LAMB4: variants seen among roughly 807,000 people sequenced by gnomAD.
The protein encoded by LAMB4 is laminin subunit beta 4, also known as laminin subunit beta-4.
LAMB4 carries 196 observed loss-of-function variants against 199.2 expected under a neutral mutation model. That is an observed-to-expected ratio of 0.98 (90% CI 0.88 to 1.11). The LOEUF (loss-of-function observed/expected upper bound fraction) is 1.11, where lower values mean the gene tolerates loss of function less well. Ranked by LOEUF, LAMB4 falls within the 50% of genes least tolerant of loss-of-function variation. The pLI is 0.00. For synonymous variants in LAMB4, 744 were observed against 770.6 expected (o/e 0.97, Z 0.57); for missense variants, 2,080 against 2,171.2 (o/e 0.96, Z 0.83).
intron 14 of LAMB4, among the ~76,000 whole-genome samples, chr7:108,091,349 C>T (rs1318990614): frequency 6.6e-6 from 1 of 152,120 alleles, no homozygotes; most frequent in African/African-American, 2.4e-5. Flanking sequence ...TACCTTGAAA[C>T]AGCAAAAGTA....
At chr7:108,128,914 G>A (rs1296531180) in intron 1 of LAMB4, among the ~76,000 whole-genome samples, 1 of 152,206 alleles carries the variant, frequency 6.6e-6, no homozygotes, top group Non-Finnish European at 1.5e-5. Context: ...CTTTGGATGA[G>A]ATATGTATAA....
intron 23 of LAMB4, among the ~76,000 whole-genome samples, chr7:108,062,088 CA>C (rs1314295648): frequency 6.6e-6 from 1 of 152,072 alleles, no homozygotes; most frequent in African/African-American, 2.4e-5. Flanking sequence ...AGCCAAAAGA[CA>C]AAAACAAAAC....
At position 108,034,237 on chromosome 7, in the gene LAMB4, T is replaced by C. The variant is rs1185116154; in HGVS notation, c.4789A>G (p.Ile1597Val). The C allele has an allele frequency of 6.2e-7, 1 of 1,614,102 alleles. No homozygotes were observed. The highest frequency in any genetic ancestry group is 1.7e-5 in the Admixed American group (1 of 60,018). ...NSTITQLTAN[I>V]TKIKKNVLQA... Reference sequence around the variant, plus strand: ...AGCACATTCTTTTTTATTTTTGTTATATTGGCAGTCAGCTGTGTAATGGTA... The same window carrying C: ...AGCACATTCTTTTTTATTTTTGTTACATTGGCAGTCAGCTGTGTAATGGTA... The change falls in exon 31 of 34, where the codon ATA (isoleucine) becomes GTA (valine). Residue 1597 changes from isoleucine (I) to valine (V), a missense_variant. Transcript: ENST00000388781.
intron 17 of LAMB4, among the ~76,000 whole-genome samples, chr7:108,075,108 G>T (rs1443282765): frequency 6.6e-6 from 1 of 152,058 alleles, no homozygotes; most frequent in Non-Finnish European, 1.5e-5. Flanking sequence ...AAACCTATCA[G>T]ATTTGATTTT....
intron 23 of LAMB4, among the ~76,000 whole-genome samples, chr7:108,060,993 T>G (rs1158732992): frequency 6.6e-6 from 1 of 152,228 alleles, no homozygotes; most frequent in Admixed American, 6.5e-5. Flanking sequence ...TGACCAAGAC[T>G]GACATTAACA....
intron 6 of LAMB4, among the ~76,000 whole-genome samples, chr7:108,107,030 T>G (rs2038044426): frequency 6.6e-6 from 1 of 152,216 alleles, no homozygotes; most frequent in Admixed American, 6.5e-5. Flanking sequence ...CGGCTCTTTA[T>G]GTACAAGTGG....
chr7:108,129,441 C>CT (rs1017010023), intron 1 of LAMB4, among the ~76,000 whole-genome samples: 8 of 151,912 alleles, frequency 5.3e-5, no homozygotes, highest in African/African-American at 1.9e-4. Context: ...CTTTGTCTAA[C>CT]TTTTTTTCAT....
chr7:108,081,309 G>A (rs2036929772), intron 14 of LAMB4, among the ~76,000 whole-genome samples: 1 of 152,038 alleles, frequency 6.6e-6, no homozygotes, highest in Non-Finnish European at 1.5e-5. Flanking sequence ...ACAGCCTCTG[G>A]GAGCTCACAG....
chr7:108,126,101 A>C (rs905311706), intron 1 of LAMB4, among the ~76,000 whole-genome samples: 1 of 152,222 alleles, frequency 6.6e-6, no homozygotes, highest in Non-Finnish European at 1.5e-5. Context: ...AAATGACAGA[A>C]TCACACAGCT....
At chr7:108,012,420 C>G in the LAMB4 span, among the ~76,000 whole-genome samples, 1 of 152,126 alleles carries the variant, frequency 6.6e-6, no homozygotes, top group South Asian at 2.1e-4. Flanking sequence ...TTGTCTATAA[C>G]TGGTAATAAT....
At chr7:108,013,761 T>C in the LAMB4 span, among the ~76,000 whole-genome samples, 2 of 152,136 alleles carry the variant, frequency 1.3e-5, no homozygotes, top group African/African-American at 4.8e-5. Context: ...CAGAAAGATG[T>C]TTACAATGTT....
chr7:108,063,625 C>T (rs993347400), intron 22 of LAMB4, 136 bp downstream of exon 22: 7 of 762,518 alleles, frequency 9.2e-6, no homozygotes, highest in Admixed American at 1.8e-5. Context: ...TTCCGTACAA[C>T]AGCCCTGTCA....
At chr7:108,045,696 T>C (rs1217612101) in intron 28 of LAMB4, among the ~76,000 whole-genome samples, 1 of 152,216 alleles carries the variant, frequency 6.6e-6, no homozygotes, top group Non-Finnish European at 1.5e-5. Flanking sequence ...TTTTAAGCAC[T>C]GGGACATAAG....
intron 1 of LAMB4, among the ~76,000 whole-genome samples, chr7:108,125,568 T>C (rs148645251): frequency 1.1e-4 from 16 of 152,304 alleles, no homozygotes; most frequent in Admixed American, 4.6e-4. Flanking sequence ...AAGTGCTACA[T>C]AGGATATATC....
intron 32 of LAMB4, among the ~76,000 whole-genome samples, chr7:108,029,877 T>C (rs990575729): frequency 6.6e-6 from 1 of 152,054 alleles, no homozygotes; most frequent in South Asian, 2.1e-4. Flanking sequence ...CCCAGCACTT[T>C]AGGAGGCCGA....
downstream of LAMB4, among the ~76,000 whole-genome samples, chr7:108,019,206 C>A (rs1021191845): frequency 2.0e-5 from 3 of 152,178 alleles, no homozygotes; most frequent in Non-Finnish European, 4.4e-5. Context: ...TTCCAGGAGG[C>A]TCTAAGGAAG....
Position 108,103,069 on chromosome 7 carries a change from G to A in LAMB4, c.1155C>T (p.Thr385=), listed in dbSNP as rs752234256. 12 of 1,604,814 alleles carry A rather than the reference G, an allele frequency of 7.5e-6. No homozygotes were observed. In the South Asian group the frequency reaches 1.3e-4, roughly 18 times the overall value. The change falls in exon 10 of 34, where the codon ACC becomes ACT. Residue 385 remains threonine (T), a synonymous_variant. Coordinates refer to ENST00000388781, the MANE Select transcript of LAMB4 (RefSeq NM_007356.3). ...GAATGCACGCGTAGGGATCTGAGAT[G>A]GTCTTGAGCGGGTCCCTGTAGAAGA... The part of the protein sequence containing the change: ...RPLFYRDPLK[T]ISDPYACIPC...
At chr7:108,091,373 C>T (rs984625047) in intron 14 of LAMB4, among the ~76,000 whole-genome samples, 6 of 152,136 alleles carry the variant, frequency 3.9e-5, no homozygotes, top group African/African-American at 1.4e-4. Context: ...TCTGTTTCAT[C>T]ATAATTTGAT....
rs545748615 is a variant in LAMB4, at chr7:108,111,845, T to A, written c.294A>T (p.Pro98=). 1 of 1,612,652 alleles carries A rather than the reference T, an allele frequency of 6.2e-7. No homozygotes were observed. The highest frequency in any genetic ancestry group is 1.7e-5 in the Admixed American group (1 of 59,818). Residue 98 remains proline, a synonymous_variant, in exon 4 of 34, where the codon CCA becomes CCT. Coordinates refer to ENST00000388781, the MANE Select transcript of LAMB4 (RefSeq NM_007356.3). ...TIENVIVSFE[P]DREKKWWQSE... ...ATTGCCACCATTTCTTTTCTCTGTCTGGTTCAAAACTTACAATGACATTCT... is the reference window on the plus strand; with the variant it reads ...ATTGCCACCATTTCTTTTCTCTGTCAGGTTCAAAACTTACAATGACATTCT...
Sources: gnomAD v4.1 joint callset for allele counts (sites outside exome capture counted in the v4.1 genomes callset) on GRCh38, gnomAD v4.1.1 for gene constraint, MANE v1.5 for transcripts, NCBI Gene and HGNC (gene_info 2026-07-23, HGNC 2026-07-21) for gene names.